SYN3: variants seen among roughly 807,000 people sequenced by gnomAD.
SYN3 encodes the protein synapsin-3.
In SYN3, 35 loss-of-function variants were observed where a neutral mutation model predicts 65.8. That is an observed-to-expected ratio of 0.53 (90% CI 0.41 to 0.70). The LOEUF (loss-of-function observed/expected upper bound fraction) is 0.70. Among genes scored for constraint, SYN3 ranks in the 30% least tolerant of loss-of-function variants. The pLI is 0.00. For missense variants in SYN3, 680 were observed against 749.0 expected, an observed-to-expected ratio of 0.91 and a Z score of 1.08; for synonymous variants, 270 against 292.9, an observed-to-expected ratio of 0.92 and a Z score of 0.80.
At chr22:32,990,443 TCCATCCATCCATCC>T (rs2052679688) in intron 2 of SYN3, among the ~76,000 whole-genome samples, 1 of 147,302 alleles carries the variant, frequency 6.8e-6, no homozygotes, top group African/African-American at 2.7e-5. Flanking sequence ...CATCCATCCA[TCCATCCATCCATCC>T]GCCCACCTAC....
At chr22:32,593,560 G>A (rs2059156540) in intron 7 of SYN3, among the ~76,000 whole-genome samples, 1 of 152,154 alleles carries the variant, frequency 6.6e-6, no homozygotes, top group Non-Finnish European at 1.5e-5. Flanking sequence ...GCAACTAAAT[G>A]ACTGGTGGTT....
At chr22:32,808,740 A>T (rs953884117) in intron 6 of SYN3, among the ~76,000 whole-genome samples, 1 of 152,130 alleles carries the variant, frequency 6.6e-6, no homozygotes, top group Non-Finnish European at 1.5e-5. Flanking sequence ...ACTCCTTGGC[A>T]TTGGTACAGA....
intron 3 of SYN3, among the ~76,000 whole-genome samples, chr22:32,932,677 T>C (rs1332224338): frequency 2.0e-5 from 3 of 152,210 alleles, no homozygotes; most frequent in Non-Finnish European, 4.4e-5. Flanking sequence ...CATGGATTTC[T>C]GTTGCTTACA....
At chr22:32,798,926 C>A (rs2046495768) in intron 6 of SYN3, among the ~76,000 whole-genome samples, 1 of 152,080 alleles carries the variant, frequency 6.6e-6, no homozygotes, top group Non-Finnish European at 1.5e-5. Flanking sequence ...CTCCTGACCT[C>A]GTGATCCGCC....
At chr22:32,733,884 G>T (rs572494383) in intron 6 of SYN3, among the ~76,000 whole-genome samples, 1 of 152,120 alleles carries the variant, frequency 6.6e-6, no homozygotes, top group Non-Finnish European at 1.5e-5. Context: ...GGATCACAGC[G>T]CCACACTTAG....
In SYN3 at chr22:32,858,157, G is replaced by T. The variant is rs755534640; in HGVS notation, c.711+6758C>A. On this transcript the variant is annotated intron_variant, in intron 6 of 13. Transcript: ENST00000358763. ...CTGCAAGGTAAGCTCTGGGGTCACTGGGGGAAGGAGGGGAGGTGCTGACTT... is the reference window on the plus strand; with the variant it reads ...CTGCAAGGTAAGCTCTGGGGTCACTTGGGGAAGGAGGGGAGGTGCTGACTT... 4 of 1,611,210 alleles carry T rather than the reference G, an allele frequency of 2.5e-6. No homozygotes were observed. The highest frequency in any genetic ancestry group is 3.4e-6 in the Non-Finnish European group (4 of 1,177,654).
At chr22:33,006,236 G>A in intron 2 of SYN3, 116 bp downstream of exon 2, 2 of 1,242,918 alleles carry the variant, frequency 1.6e-6, no homozygotes, top group Non-Finnish European at 2.2e-6. Flanking sequence ...CTCCAGCCAG[G>A]CTCTGATAGC....
intron 6 of SYN3, among the ~76,000 whole-genome samples, chr22:32,623,535 A>G (rs555862262): frequency 6.6e-6 from 1 of 152,294 alleles, no homozygotes; most frequent in Non-Finnish European, 1.5e-5. Context: ...CCAGCAATCA[A>G]TGGCGGTCTT....
At chr22:32,995,317 TC>T (rs1309364026) in intron 2 of SYN3, among the ~76,000 whole-genome samples, 4 of 152,174 alleles carry the variant, frequency 2.6e-5, no homozygotes, top group African/African-American at 9.7e-5. Flanking sequence ...CCAGATAAAA[TC>T]CAGGACATCC....
chr22:32,680,543 G>A (rs963061267), intron 6 of SYN3, among the ~76,000 whole-genome samples: 1 of 152,162 alleles, frequency 6.6e-6, no homozygotes, highest in East Asian at 1.9e-4. Context: ...TCACACCGTT[G>A]CTTGCACAGA....
At chr22:33,035,329 G>T (rs2053833061) in intron 1 of SYN3, among the ~76,000 whole-genome samples, 1 of 27,032 alleles carries the variant, frequency 3.7e-5, no homozygotes, top group African/African-American at 1.0e-4. Flanking sequence ...AAAATCTCGG[G>T]ACCCCCCCCC....
chr22:32,730,446 T>A (rs2061255236), intron 6 of SYN3, among the ~76,000 whole-genome samples: 1 of 152,228 alleles, frequency 6.6e-6, no homozygotes, highest in Non-Finnish European at 1.5e-5. Context: ...GATTTTCTCA[T>A]CATGAATCAA....
At chr22:32,707,181 G>A (rs375230845) in intron 6 of SYN3, among the ~76,000 whole-genome samples, 10 of 152,146 alleles carry the variant, frequency 6.6e-5, no homozygotes, top group East Asian at 3.8e-4. Context: ...ATGAGAGAAC[G>A]CATAAAGACT....
chr22:32,998,816 C>T, intron 2 of SYN3, among the ~76,000 whole-genome samples: 1 of 144,802 alleles, frequency 6.9e-6, no homozygotes, highest in East Asian at 2.1e-4. Flanking sequence ...TCCCTCCATC[C>T]TCCTTTTTAA....
intron 6 of SYN3, chr22:32,802,103 C>G: frequency 6.3e-7 from 1 of 1,582,598 alleles, no homozygotes; most frequent in Non-Finnish European, 8.5e-7. Flanking sequence ...CCCAGGACGC[C>G]TTCTGCAACT....
At chr22:32,994,527 C>A (rs958202869) in intron 2 of SYN3, among the ~76,000 whole-genome samples, 9 of 152,202 alleles carry the variant, frequency 5.9e-5, no homozygotes, top group Non-Finnish European at 1.3e-4. Flanking sequence ...GCAGGGCCTG[C>A]CCTTGTTCAA....
At chr22:32,749,219 C>A (rs1343717536) in intron 6 of SYN3, among the ~76,000 whole-genome samples, 2 of 151,900 alleles carry the variant, frequency 1.3e-5, no homozygotes, top group East Asian at 3.9e-4. Context: ...ATCAGGGGAT[C>A]TTTCTGGGGT....
chr22:33,020,216 G>A (rs470010), intron 1 of SYN3, among the ~76,000 whole-genome samples: 67,160 of 151,988 alleles, frequency 0.44, 15,119 homozygotes, highest in Middle Eastern at 0.53. Flanking sequence ...ATGGAAACGT[G>A]TTTGTTCACA....
Position 32,993,417 on chromosome 22 carries a change from G to A in SYN3, c.312-12715C>T, listed in dbSNP as rs193031298. On this transcript the variant is annotated intron_variant, in intron 2 of 13. Transcript: ENST00000358763. ...GTCGCCCAGGCTGGATTGCAGTGGC[G>A]CGATCTCGGCTCACTGCAAACTCCA... Among the ~76,000 whole-genome samples, 793 of 152,258 alleles carry A rather than the reference G, an allele frequency of 5.2e-3. 9 individuals are homozygous for A. The highest frequency in any genetic ancestry group is 0.018 in the African/African-American group (749 of 41,546).
Sources: allele counts gnomAD v4.1 joint callset (sites outside exome capture counted in the v4.1 genomes callset), GRCh38; gene constraint gnomAD v4.1.1; transcripts MANE v1.5; gene names NCBI Gene and HGNC (gene_info 2026-07-23, HGNC 2026-07-21).